The following CNOT2 variants were observed in gnomAD, a reference collection of about 807,000 sequenced individuals.
CNOT2 encodes the protein CCR4-NOT transcription complex subunit 2.
A neutral mutation model predicts 72.1 loss-of-function variants in CNOT2; 7 were observed. The observed-to-expected ratio is 0.10, with a 90% CI of 0.06 to 0.18. The LOEUF (loss-of-function observed/expected upper bound fraction) is 0.18, where lower values mean the gene tolerates loss of function less well. Ranked by LOEUF, CNOT2 falls within the 10% of genes least tolerant of loss-of-function variation. CNOT2 has a pLI of 1.00. For synonymous variants in CNOT2, 196 were observed against 225.6 expected (o/e 0.87, Z 1.17); for missense variants, 345 against 660.3 (o/e 0.52, Z 5.23).
chr12:70,351,674 C>G (rs1427590205), intron 15 of CNOT2, among the ~76,000 whole-genome samples: 1 of 152,098 alleles, frequency 6.6e-6, no homozygotes, highest in East Asian at 1.9e-4. Context: ...GTATAACTTA[C>G]CACTTTGTGG....
rs1220885933 is a variant in CNOT2 at position 70,354,049 on chromosome 12, C to T, written c.*134C>T. 3 of 1,406,270 alleles carry T rather than the reference C, an allele frequency of 2.1e-6. No homozygotes were observed. The highest frequency in any genetic ancestry group is 2.9e-5 in the African/African-American group (2 of 68,794). 87.1% of individuals were successfully genotyped at this position (1,406,270 alleles called of 1,614,324 possible). On this transcript the variant is annotated 3_prime_UTR_variant, in exon 16 of 16. Coordinates refer to ENST00000229195, the MANE Select transcript of CNOT2 (RefSeq NM_014515.7). Reference sequence around the variant, plus strand: ...AATTCCTTGAGGATCTGGCAATTGGCTTACGCAAAAGGTCACCATTTGAGG... The same window carrying T: ...AATTCCTTGAGGATCTGGCAATTGGTTTACGCAAAAGGTCACCATTTGAGG...
intron 1 of CNOT2, among the ~76,000 whole-genome samples, chr12:70,248,500 G>A (rs1036210926): frequency 1.3e-5 from 2 of 152,040 alleles, no homozygotes; most frequent in Non-Finnish European, 1.5e-5. Flanking sequence ...TTGACTGCAG[G>A]TGTTGCCATT....
chr12:70,308,736 A>C (rs1008056244), intron 2 of CNOT2, among the ~76,000 whole-genome samples: 11 of 152,126 alleles, frequency 7.2e-5, no homozygotes, highest in African/African-American at 2.2e-4. Flanking sequence ...AAAAATTTTA[A>C]TTCTATACAA....
intron 1 of CNOT2, among the ~76,000 whole-genome samples, chr12:70,273,807 G>A (rs1171349706): frequency 6.6e-6 from 1 of 152,090 alleles, no homozygotes; most frequent in African/African-American, 2.4e-5. Context: ...TAAATTTTGT[G>A]TATCAGATGT....
At chr12:70,353,794 G>A (rs1232840011) in intron 15 of CNOT2, 35 bp from the exon 16 acceptor site, 1 of 1,595,450 alleles carries the variant, frequency 6.3e-7, no homozygotes, top group South Asian at 1.2e-5. Flanking sequence ...AATGAAAAGG[G>A]GAAGATATCT....
chr12:70,257,041 T>C (rs1958488671), intron 1 of CNOT2, among the ~76,000 whole-genome samples: 1 of 152,200 alleles, frequency 6.6e-6, no homozygotes, highest in Non-Finnish European at 1.5e-5. Flanking sequence ...TTATTTTTTT[T>C]TTACTTTTAT....
chr12:70,301,034 T>G (rs1873858828), intron 2 of CNOT2, among the ~76,000 whole-genome samples: 1 of 152,196 alleles, frequency 6.6e-6, no homozygotes, highest in Non-Finnish European at 1.5e-5. Context: ...CTGTTATTGG[T>G]GTATAAGAAT....
intron 1 of CNOT2, among the ~76,000 whole-genome samples, chr12:70,246,997 A>G (rs1325713833): frequency 6.6e-6 from 1 of 152,178 alleles, no homozygotes; most frequent in East Asian, 1.9e-4. Context: ...GACATATAAT[A>G]TGGAAATACA....
At chr12:70,311,893 A>G (rs1308011199) in intron 3 of CNOT2, among the ~76,000 whole-genome samples, 7 of 151,986 alleles carry the variant, frequency 4.6e-5, no homozygotes, top group Non-Finnish European at 1.0e-4. Flanking sequence ...ATATGGAACA[A>G]ATGCCCTTGT....
At chr12:70,248,328 A>T (rs17107862) in intron 1 of CNOT2, among the ~76,000 whole-genome samples, 4,465 of 152,230 alleles carry the variant, frequency 0.029, 210 homozygotes, top group African/African-American at 0.1. Flanking sequence ...GTCTTATTGG[A>T]GGTCCAAAAT....
intron 2 of CNOT2, chr12:70,297,734 AT>A (rs768714426): frequency 2.0e-3 from 702 of 356,556 alleles, no homozygotes; most frequent in African/African-American, 4.7e-3. Flanking sequence ...TTGGATAATA[AT>A]TTTTTTTTGT....
chr12:70,303,576 C>T (rs10879127), intron 2 of CNOT2, among the ~76,000 whole-genome samples: 31,743 of 151,946 alleles, frequency 0.21, 3,661 homozygotes, highest in African/African-American at 0.31. Flanking sequence ...GAGTTTCTGC[C>T]GAGAGATCAG....
At position 70,288,136 on chromosome 12, in the gene CNOT2, CTTTTTTTTTTTTTT is replaced by C. The variant is rs68143994; in HGVS notation, c.48+9873_48+9886del. ...GGGTTATTACAATTATGGTGTAGCT[CTTTTTTTTTTTTTT>C]TTTTTTTTTTGAAACGGAGTTTCGC... On this transcript the variant is annotated intron_variant, in intron 2 of 15. Coordinates refer to ENST00000229195, the MANE Select transcript of CNOT2 (RefSeq NM_014515.7). Among the ~76,000 whole-genome samples, 2 of 86,702 alleles carry C rather than the reference CTTTTTTTTTTTTTT, an allele frequency of 2.3e-5. 1 individual carries two copies. Among genetic ancestry groups the C allele is most frequent in the South Asian group, 9.6e-4 (2 of 2,086 alleles). 56.9% of individuals were successfully genotyped at this position (86,702 alleles called of 152,430 possible). A position where few individuals can be genotyped will look rare whatever the true frequency, so the allele number is the denominator to read the frequency against.
chr12:70,259,572 A>AT (rs1244164255), intron 1 of CNOT2, among the ~76,000 whole-genome samples: 13 of 152,090 alleles, frequency 8.5e-5, no homozygotes, highest in African/African-American at 2.7e-4. Flanking sequence ...TATATTTGAG[A>AT]TTTTTTCTAG....
chr12:70,323,742 A>G (rs569489126), intron 4 of CNOT2: 1 of 151,924 alleles, frequency 6.6e-6, no homozygotes, highest in African/African-American at 2.4e-5. Flanking sequence ...GATTTATTTC[A>G]AGATCATTGC....
At chr12:70,269,923 A>C (rs1959183481) in intron 1 of CNOT2, among the ~76,000 whole-genome samples, 1 of 152,202 alleles carries the variant, frequency 6.6e-6, no homozygotes, top group African/African-American at 2.4e-5. Context: ...AGTTATGTGT[A>C]ATACATATGA....
chr12:70,254,993 A>T (rs1366894534), intron 1 of CNOT2, among the ~76,000 whole-genome samples: 1 of 151,280 alleles, frequency 6.6e-6, no homozygotes, highest in Non-Finnish European at 1.5e-5. Context: ...AAAAAAAAAA[A>T]AAAAAGAAGA....
At chr12:70,295,463 C>T (rs1171360977) in intron 2 of CNOT2, among the ~76,000 whole-genome samples, 5 of 152,092 alleles carry the variant, frequency 3.3e-5, no homozygotes, top group Admixed American at 3.3e-4. Context: ...TCCCTTCCTT[C>T]CTCCCTCTTT....
chr12:70,319,973 G>A (rs1878018276), intron 4 of CNOT2, among the ~76,000 whole-genome samples: 1 of 151,548 alleles, frequency 6.6e-6, no homozygotes, highest in African/African-American at 2.4e-5. Flanking sequence ...TGCATAGTAA[G>A]TGCTCAATAA....
Sources: allele counts gnomAD v4.1 joint callset (sites outside exome capture counted in the v4.1 genomes callset), GRCh38; gene constraint gnomAD v4.1.1; transcripts MANE v1.5; gene names NCBI Gene and HGNC (gene_info 2026-07-23, HGNC 2026-07-21).